Variants in HMBOX1 observed in about 807,000 individuals in gnomAD.
HMBOX1 encodes homeobox-containing protein 1.
Under a neutral mutation model 54.5 loss-of-function variants are expected in HMBOX1, and 14 were observed. The ratio of observed to expected loss-of-function variants is 0.26; its 90% CI spans 0.17 to 0.40. The LOEUF is 0.40. HMBOX1 is among the 10% of genes least tolerant of loss of function. The pLI is 1.00. For missense variants in HMBOX1, 332 were observed against 514.4 expected (o/e 0.65, Z 3.43); for synonymous variants, 160 against 181.0 (o/e 0.88, Z 0.93).
intron 1 of HMBOX1, among the ~76,000 whole-genome samples, chr8:28,960,780 T>TTTTTTTTTTTTTTTTTTTTTG (rs1825416561): frequency 4.6e-5 from 2 of 43,386 alleles, no homozygotes; most frequent in African/African-American, 7.2e-5. Context: ...TTTTTTTTTT[T>TTTTTTTTTTTTTTTTTTTTTG]TTTTTTTTTT....
At chr8:28,944,259 A>G (rs1040030443) in intron 1 of HMBOX1, among the ~76,000 whole-genome samples, 2 of 152,344 alleles carry the variant, frequency 1.3e-5, no homozygotes, top group South Asian at 2.1e-4. Context: ...ACCATATCCT[A>G]TGAATCCAAC....
chr8:28,948,639 TTTTA>T (rs1468975377), intron 1 of HMBOX1, among the ~76,000 whole-genome samples: 2 of 152,328 alleles, frequency 1.3e-5, no homozygotes, highest in African/African-American at 4.8e-5. Flanking sequence ...GAATTTTTGC[TTTTA>T]TTTATTGTGC....
intron 6 of HMBOX1, 111 bp downstream of exon 6, chr8:29,019,024 A>G (rs1475758089): frequency 5.5e-6 from 5 of 904,400 alleles, no homozygotes; most frequent in Non-Finnish European, 8.6e-6. Flanking sequence ...TCTTGGTTCT[A>G]TCTCTAAAAG....
intron 6 of HMBOX1, among the ~76,000 whole-genome samples, chr8:29,044,820 T>A (rs1805344671): frequency 6.6e-6 from 1 of 152,194 alleles, no homozygotes; most frequent in Non-Finnish European, 1.5e-5. Context: ...CCTACTAGTT[T>A]TAAATAGCTA....
chr8:28,958,611 T>C (rs541025787), intron 1 of HMBOX1, among the ~76,000 whole-genome samples: 119 of 152,322 alleles, frequency 7.8e-4, no homozygotes, highest in African/African-American at 2.8e-3. Flanking sequence ...ACCACTGTTA[T>C]TGGATCTCTT....
chr8:28,984,241 G>C (rs1829849419), intron 4 of HMBOX1, among the ~76,000 whole-genome samples: 1 of 152,156 alleles, frequency 6.6e-6, no homozygotes, highest in Admixed American at 6.5e-5. Flanking sequence ...TAAGGTTTAG[G>C]ATGTGGTTCT....
At position 29,052,839 on chromosome 8, in the gene HMBOX1, G is replaced by A. The variant is rs1006255075; in HGVS notation, c.*1684G>A. ...TGTATAATGAAGCCTTGTTTAAAGG[G>A]GCATGTGGGGCTGGATGTTAAGCAC... On this transcript the variant is annotated 3_prime_UTR_variant, in exon 10 of 10. Coordinates refer to ENST00000287701, the MANE Select transcript of HMBOX1 (RefSeq NM_001135726.3). The A allele has an allele frequency of 6.6e-6, 1 of 152,074 alleles. No individual in the cohort carries two copies. The highest frequency in any genetic ancestry group is 2.4e-5 in the African/African-American group (1 of 41,380). 9.4% of individuals were successfully genotyped at this position (152,074 alleles called of 1,614,324 possible).
intron 1 of HMBOX1, among the ~76,000 whole-genome samples, chr8:28,940,504 A>G (rs1310634851): frequency 6.6e-6 from 1 of 152,196 alleles, no homozygotes; most frequent in Admixed American, 6.5e-5. Flanking sequence ...GACTCTCACT[A>G]CACTGTAAGC....
At chr8:29,013,992 A>G (rs1275155701) in intron 5 of HMBOX1, among the ~76,000 whole-genome samples, 1 of 152,082 alleles carries the variant, frequency 6.6e-6, no homozygotes, top group Non-Finnish European at 1.5e-5. Flanking sequence ...AGAGTGTTAG[A>G]TCTCAGGGAA....
chr8:28,984,114 T>A (rs1017727299), intron 4 of HMBOX1, among the ~76,000 whole-genome samples: 1 of 152,198 alleles, frequency 6.6e-6, no homozygotes, highest in African/African-American at 2.4e-5. Flanking sequence ...GGAAGCCTTC[T>A]GGTCACCTAG....
intron 5 of HMBOX1, chr8:29,009,628 AT>A (rs938162065): frequency 0.025 from 21,627 of 874,914 alleles, no homozygotes; most frequent in South Asian, 0.057. Context: ...TCTGCTAATG[AT>A]TTTTTTTTTT....
At chr8:28,931,899 G>A (rs1819536448) in intron 1 of HMBOX1, among the ~76,000 whole-genome samples, 1 of 152,132 alleles carries the variant, frequency 6.6e-6, no homozygotes, top group Non-Finnish European at 1.5e-5. Context: ...TATGTGCCAG[G>A]CACTGTGTAA....
intron 1 of HMBOX1, among the ~76,000 whole-genome samples, chr8:28,906,330 T>C (rs1814328654): frequency 6.6e-6 from 1 of 152,226 alleles, no homozygotes; most frequent in Non-Finnish European, 1.5e-5. Context: ...AAGAGATTAC[T>C]TGGAGCAGCA....
In HMBOX1 at chr8:29,052,928, C is replaced by G. The variant is rs1247927839; in HGVS notation, c.*1773C>G. 1 of 152,262 alleles carries G rather than the reference C, an allele frequency of 6.6e-6. No homozygotes were observed. 9.4% of individuals were successfully genotyped at this position (152,262 alleles called of 1,614,324 possible). On this transcript the variant is annotated 3_prime_UTR_variant, in exon 10 of 10. Transcript: ENST00000287701. Reference sequence around the variant, plus strand: ...ATAAAAGGAAGGTGCCATTTCCTTACCTCTTCACCCATCCTCCTCCACCAA... The same window carrying G: ...ATAAAAGGAAGGTGCCATTTCCTTAGCTCTTCACCCATCCTCCTCCACCAA...
At chr8:29,032,979 A>G (rs990026474) in intron 6 of HMBOX1, among the ~76,000 whole-genome samples, 2 of 152,224 alleles carry the variant, frequency 1.3e-5, no homozygotes, top group African/African-American at 4.8e-5. Flanking sequence ...AAAAAACAGG[A>G]AAATTACTTT....
chr8:28,976,659 C>G (rs1343813934), intron 3 of HMBOX1, among the ~76,000 whole-genome samples: 1 of 150,764 alleles, frequency 6.6e-6, no homozygotes, highest in Non-Finnish European at 1.5e-5. Flanking sequence ...TGATAAAGCT[C>G]TCTGGTAAAA....
At chr8:28,976,686 ATTT>A in intron 3 of HMBOX1, among the ~76,000 whole-genome samples, 1 of 143,090 alleles carries the variant, frequency 7.0e-6, no homozygotes, top group East Asian at 2.0e-4. Context: ...AGAGCTTTTT[ATTT>A]CTTTTCTTTT....
intron 1 of HMBOX1, among the ~76,000 whole-genome samples, chr8:28,905,211 AG>A (rs1222038908): frequency 6.6e-6 from 1 of 152,248 alleles, no homozygotes; most frequent in Non-Finnish European, 1.5e-5. Context: ...CCACATGAGC[AG>A]TAGGAACTGA....
intron 6 of HMBOX1, among the ~76,000 whole-genome samples, chr8:29,034,161 T>G (rs1803458458): frequency 6.6e-6 from 1 of 152,194 alleles, no homozygotes; most frequent in Non-Finnish European, 1.5e-5. Flanking sequence ...TCTGAACTTG[T>G]TGGTGAATAT....
Sources: gnomAD v4.1 joint callset for allele counts (sites outside exome capture counted in the v4.1 genomes callset) on GRCh38, gnomAD v4.1.1 for gene constraint, MANE v1.5 for transcripts, NCBI Gene and HGNC (gene_info 2026-07-23, HGNC 2026-07-21) for gene names.